Variants in DACH2 observed in about 807,000 individuals in gnomAD.
The protein encoded by DACH2 is dachshund homolog 2.
In DACH2, 17 loss-of-function variants were observed where a neutral mutation model predicts 35.8. The ratio of observed to expected loss-of-function variants is 0.48; its 90% CI spans 0.33 to 0.71. The LOEUF (loss-of-function observed/expected upper bound fraction) is 0.71. DACH2 is among the 30% of genes least tolerant of loss of function. The probability of loss-of-function intolerance (pLI) is 0.02; values close to 1 mark genes in which losing one functional copy is unlikely to be tolerated. For missense variants in DACH2, 469 were observed against 472.7 expected, an observed-to-expected ratio of 0.99 and a Z score of 0.07; for synonymous variants, 195 against 177.3, an observed-to-expected ratio of 1.10 and a Z score of -0.79.
At chrX:86,507,220 C>G (rs1369710721) in intron 2 of DACH2, among the ~76,000 whole-genome samples, 1 of 111,133 alleles carries the variant, frequency 9.0e-6, no homozygotes, top group Non-Finnish European at 1.9e-5. Flanking sequence ...AATATTAACA[C>G]CATGCTGCTG....
intron 3 of DACH2, among the ~76,000 whole-genome samples, chrX:86,518,817 GATACAA>G (rs1347334255): frequency 8.9e-6 from 1 of 111,965 alleles, no homozygotes; most frequent in East Asian, 2.8e-4. Context: ...GAGTTTTCTA[GATACAA>G]AATCATGTCA....
intron 1 of DACH2, among the ~76,000 whole-genome samples, chrX:86,226,365 A>G (rs2032822797): frequency 9.0e-6 from 1 of 110,737 alleles, no homozygotes; most frequent in Admixed American, 9.6e-5. Flanking sequence ...AATGAAGTGG[A>G]AAAAAGTACC....
chrX:86,723,600 T>A (rs1340477100), intron 6 of DACH2, among the ~76,000 whole-genome samples: 1 of 112,040 alleles, frequency 8.9e-6, no homozygotes, highest in Non-Finnish European at 1.9e-5. Flanking sequence ...ATTTGTAGTT[T>A]CCTTAGTTTT....
At chrX:86,645,722 A>C (rs2148402325) in intron 3 of DACH2, among the ~76,000 whole-genome samples, 1 of 111,505 alleles carries the variant, frequency 9.0e-6, no homozygotes, top group South Asian at 3.7e-4. Context: ...ATGCAGCCAT[A>C]AAAAGGAACA....
chrX:86,181,475 G>A (rs993163948), intron 1 of DACH2, among the ~76,000 whole-genome samples: 2 of 110,910 alleles, frequency 1.8e-5, no homozygotes, highest in Non-Finnish European at 3.8e-5. Flanking sequence ...TGAGAATGAC[G>A]GTTTCCTTCT....
At chrX:86,312,458 T>C (rs1475604344) in intron 1 of DACH2, among the ~76,000 whole-genome samples, 1 of 111,497 alleles carries the variant, frequency 9.0e-6, no homozygotes, top group African/African-American at 3.3e-5. Flanking sequence ...GGTGGACTTA[T>C]GATGGTTAAT....
intron 2 of DACH2, among the ~76,000 whole-genome samples, chrX:86,447,011 A>G (rs1296207077): frequency 4.3e-4 from 29 of 67,025 alleles, no homozygotes; most frequent in South Asian, 1.4e-3. Context: ...ATGATATCTC[A>G]TAGTGGTTTT....
chrX:86,152,861 A>C (rs2030412442), intron 1 of DACH2, among the ~76,000 whole-genome samples: 1 of 112,047 alleles, frequency 8.9e-6, no homozygotes, highest in African/African-American at 3.2e-5. Context: ...AAGAAAACTT[A>C]GAGTTTTTAA....
At chrX:86,522,592 T>C (rs1249289326) in intron 3 of DACH2, among the ~76,000 whole-genome samples, 1 of 111,246 alleles carries the variant, frequency 9.0e-6, no homozygotes, top group African/African-American at 3.3e-5. Context: ...TAGCATTCAT[T>C]TTGTGAGTTA....
intron 2 of DACH2, among the ~76,000 whole-genome samples, chrX:86,500,045 T>C (rs1166273560): frequency 8.9e-6 from 1 of 111,758 alleles, no homozygotes; most frequent in Non-Finnish European, 1.9e-5. Context: ...TATCACATCA[T>C]TGTTTTCAGA....
chrX:86,675,445 G>A (rs1245170053), intron 4 of DACH2, among the ~76,000 whole-genome samples: 6 of 111,906 alleles, frequency 5.4e-5, no homozygotes, highest in East Asian at 2.8e-4. Flanking sequence ...AGCACTTTAC[G>A]AAGTCGAGGC....
intron 7 of DACH2, among the ~76,000 whole-genome samples, chrX:86,786,264 G>A (rs1316064328): frequency 8.9e-6 from 1 of 111,840 alleles, no homozygotes; most frequent in Non-Finnish European, 1.9e-5. Flanking sequence ...CTGGAGCACT[G>A]AGAGCAGTAC....
chrX:86,484,293 G>A (rs17252614), intron 2 of DACH2, among the ~76,000 whole-genome samples: 4,933 of 111,584 alleles, frequency 0.044, 106 homozygotes, highest in Non-Finnish European at 0.066. Context: ...TTTCCTAAGC[G>A]TGCTTGGGGC....
intron 6 of DACH2, among the ~76,000 whole-genome samples, chrX:86,730,215 G>T (rs1159144890): frequency 1.8e-5 from 2 of 111,147 alleles, no homozygotes; most frequent in Admixed American, 1.9e-4. Context: ...AGGATTATAT[G>T]ATGCGTAGAA....
intron 2 of DACH2, among the ~76,000 whole-genome samples, chrX:86,446,428 A>G (rs750815235): frequency 0.023 from 1,348 of 59,796 alleles, 18 homozygotes; most frequent in Non-Finnish European, 0.03. Flanking sequence ...ATATCTCCCA[A>G]TGCTATCCCT....
At chrX:86,409,711 C>A (rs2036580679) in intron 2 of DACH2, among the ~76,000 whole-genome samples, 1 of 111,767 alleles carries the variant, frequency 8.9e-6, no homozygotes, top group Non-Finnish European at 1.9e-5. Flanking sequence ...ATAAATTACC[C>A]AGTCTCAGAT....
chrX:86,533,516 G>A (rs1241484300), intron 3 of DACH2, among the ~76,000 whole-genome samples: 3 of 111,309 alleles, frequency 2.7e-5, no homozygotes, highest in African/African-American at 9.8e-5. Flanking sequence ...ACACTTCCAT[G>A]GCTTTTTGCA....
At chrX:86,647,637 G>T (rs1456168267) in intron 3 of DACH2, among the ~76,000 whole-genome samples, 2 of 110,679 alleles carry the variant, frequency 1.8e-5, no homozygotes, top group East Asian at 5.6e-4. Flanking sequence ...ATACTGTATT[G>T]TATACTTAAA....
chrX:86,719,943 C>CTTTTTTTTTTT (rs35089560), intron 6 of DACH2, among the ~76,000 whole-genome samples: 1 of 63,585 alleles, frequency 1.6e-5, no homozygotes, highest in Admixed American at 1.8e-4. Context: ...TTTTTTTTTT[C>CTTTTTTTTTTT]TTTTTTTTTT....
Sources: allele counts gnomAD v4.1 joint callset (sites outside exome capture counted in the v4.1 genomes callset), GRCh38; gene constraint gnomAD v4.1.1; transcripts MANE v1.5; gene names NCBI Gene and HGNC (gene_info 2026-07-23, HGNC 2026-07-21).